LRP1B: variants seen among roughly 807,000 people sequenced by gnomAD.
LRP1B encodes the protein LDL receptor related protein 1B.
Under a neutral mutation model 556.6 loss-of-function variants are expected in LRP1B, and 217 were observed. That is an observed-to-expected ratio of 0.39 (90% CI 0.35 to 0.44). LRP1B has a LOEUF of 0.44. LRP1B is among the 20% of genes least tolerant of loss of function. The pLI, the probability that LRP1B is intolerant of heterozygous loss-of-function variation, is 1.00. For synonymous variants in LRP1B, 2,047 were observed against 1,865.8 expected (o/e 1.10, Z -2.50); for missense variants, 5,053 against 5,620.8 (o/e 0.90, Z 3.23).
At chr2:141,528,129 G>C (rs1024907476) in intron 2 of LRP1B, among the ~76,000 whole-genome samples, 1 of 151,536 alleles carries the variant, frequency 6.6e-6, no homozygotes, top group Non-Finnish European at 1.5e-5. Context: ...CCCTCTTCCA[G>C]TGGCTTCTGC....
At chr2:140,736,097 T>C (rs1025748345) in intron 35 of LRP1B, among the ~76,000 whole-genome samples, 1 of 152,056 alleles carries the variant, frequency 6.6e-6, no homozygotes, top group African/African-American at 2.4e-5. Flanking sequence ...CATGTAGAAA[T>C]ATCTGATCTT....
At chr2:141,220,402 A>G (rs1682987007) in intron 6 of LRP1B, among the ~76,000 whole-genome samples, 1 of 152,074 alleles carries the variant, frequency 6.6e-6, no homozygotes, top group Non-Finnish European at 1.5e-5. Flanking sequence ...CAAACAAAAC[A>G]TGAGAACTAT....
intron 17 of LRP1B, among the ~76,000 whole-genome samples, chr2:140,987,923 G>C (rs1696975347): frequency 6.6e-6 from 1 of 152,072 alleles, no homozygotes; most frequent in Non-Finnish European, 1.5e-5. Flanking sequence ...GGCGAAAGTT[G>C]CAGTGAGCTG....
chr2:141,624,306 T>A (rs1688627310), intron 2 of LRP1B, among the ~76,000 whole-genome samples: 1 of 152,044 alleles, frequency 6.6e-6, no homozygotes, highest in African/African-American at 2.4e-5. Flanking sequence ...GTAAAACAAA[T>A]GTTAACCATC....
rs2105137909 is a variant in LRP1B at position 140,358,848 on chromosome 2, C to G, written c.11230G>C (p.Asp3744His). ...CCACAGTGATCTTCATCTGAATTGT[C>G]ACCGCATTCATCAATCCCATTGCAC... is the stretch of plus-strand genomic sequence containing the variant. ...QMCNGIDECG[D>H]NSDEDHCGGK... The change falls in exon 73 of 91, where the codon GAC becomes CAC. Residue 3744 changes from aspartate to histidine, a missense_variant. Transcript: ENST00000389484. 1 of 1,608,846 alleles carries G rather than the reference C, an allele frequency of 6.2e-7. No homozygotes were observed. Among genetic ancestry groups the G allele is most frequent in the Non-Finnish European group, 8.5e-7 (1 of 1,176,142 alleles).
intron 33 of LRP1B, among the ~76,000 whole-genome samples, chr2:140,773,192 C>T (rs996518794): frequency 1.3e-5 from 2 of 152,064 alleles, no homozygotes; most frequent in South Asian, 2.1e-4. Context: ...GCTAGGGGCG[C>T]GGTGGCTCAC....
chr2:140,532,550 C>A (rs1172463444), intron 47 of LRP1B, among the ~76,000 whole-genome samples: 1 of 152,066 alleles, frequency 6.6e-6, no homozygotes, highest in African/African-American at 2.4e-5. Context: ...GCGAGTGCAA[C>A]CACGCCTGGC....
At chr2:141,477,804 G>A (rs544868243) in intron 3 of LRP1B, among the ~76,000 whole-genome samples, 2 of 152,238 alleles carry the variant, frequency 1.3e-5, no homozygotes, top group Non-Finnish European at 2.9e-5. Context: ...TAAATAGCAA[G>A]TAGAAATCCA....
chr2:141,795,863 T>A (rs1298117834), intron 2 of LRP1B, among the ~76,000 whole-genome samples: 6 of 60,254 alleles, frequency 1.0e-4, no homozygotes, highest in African/African-American at 4.0e-4. Context: ...GAGCAATATA[T>A]ATATATATAT....
At chr2:141,758,369 A>G (rs560369278) in intron 2 of LRP1B, among the ~76,000 whole-genome samples, 1 of 152,172 alleles carries the variant, frequency 6.6e-6, no homozygotes, top group African/African-American at 2.4e-5. Flanking sequence ...AGAACATTCA[A>G]TGTTGAATGT....
intron 1 of LRP1B, among the ~76,000 whole-genome samples, chr2:142,123,655 G>GTT (rs558738516): frequency 8.8e-5 from 12 of 136,730 alleles, no homozygotes; most frequent in South Asian, 2.4e-4. Flanking sequence ...TCTTCAAGAA[G>GTT]TTTTTTTTTT....
At chr2:140,982,121 C>A in intron 18 of LRP1B, 39 bp downstream of exon 18, 2 of 1,500,326 alleles carry the variant, frequency 1.3e-6, no homozygotes, top group Non-Finnish European at 1.9e-6. Context: ...TCCTATCTGA[C>A]ACAATCTGTA....
At chr2:141,527,526 T>A (rs1684730130) in intron 2 of LRP1B, among the ~76,000 whole-genome samples, 1 of 152,110 alleles carries the variant, frequency 6.6e-6, no homozygotes, top group African/African-American at 2.4e-5. Flanking sequence ...TGCTGATAGA[T>A]AACTATTTTT....
chr2:141,158,070 C>T (rs1033704407), intron 7 of LRP1B, among the ~76,000 whole-genome samples: 3 of 152,064 alleles, frequency 2.0e-5, no homozygotes, highest in Non-Finnish European at 4.4e-5. Context: ...GTTTGAAATA[C>T]TGGAAATCAG....
At chr2:140,810,432 C>T (rs1286815804) in intron 32 of LRP1B, among the ~76,000 whole-genome samples, 1 of 151,534 alleles carries the variant, frequency 6.6e-6, no homozygotes, top group Non-Finnish European at 1.5e-5. Flanking sequence ...TCAGTAATCC[C>T]CTGGATATTG....
intron 79 of LRP1B, among the ~76,000 whole-genome samples, chr2:140,326,174 T>C (rs1680465404): frequency 6.6e-6 from 1 of 152,162 alleles, no homozygotes; most frequent in Non-Finnish European, 1.5e-5. Flanking sequence ...TTCTTAATTT[T>C]AGCTATTCTC....
intron 3 of LRP1B, among the ~76,000 whole-genome samples, chr2:141,314,827 T>TAC (rs70991155): frequency 1.8e-5 from 2 of 113,154 alleles, no homozygotes; most frequent in African/African-American, 3.5e-5. Context: ...TATATATATA[T>TAC]GTGTATATAT....
At chr2:141,977,300 G>A (rs1476539088) in intron 1 of LRP1B, among the ~76,000 whole-genome samples, 3 of 152,076 alleles carry the variant, frequency 2.0e-5, no homozygotes, top group East Asian at 1.9e-4. Context: ...CACTGGGCAC[G>A]GTGGCTCACG....
At chr2:141,024,434 C>T (rs1698159612) in intron 11 of LRP1B, among the ~76,000 whole-genome samples, 1 of 151,948 alleles carries the variant, frequency 6.6e-6, no homozygotes, top group Non-Finnish European at 1.5e-5. Context: ...TATATTAAAA[C>T]ATAGTGGTTT....
Sources: allele counts gnomAD v4.1 joint callset (sites outside exome capture counted in the v4.1 genomes callset), GRCh38; gene constraint gnomAD v4.1.1; transcripts MANE v1.5; gene names NCBI Gene and HGNC (gene_info 2026-07-23, HGNC 2026-07-21).